ERFE: variants seen among roughly 807,000 people sequenced by gnomAD.
ERFE encodes erythroferrone.
A neutral mutation model predicts 26.6 loss-of-function variants in ERFE; 25 were observed. The observed-to-expected ratio is 0.94, with a 90% CI of 0.69 to 1.31. ERFE has a LOEUF of 1.31. ERFE is among the 40% of genes most tolerant of loss of function. ERFE has a pLI of 0.00. For synonymous variants in ERFE, 206 were observed against 204.5 expected, an observed-to-expected ratio of 1.01 and a Z score of -0.06; for missense variants, 447 against 440.2, an observed-to-expected ratio of 1.02 and a Z score of -0.14.
In ERFE at chr2:238,163,951, C is replaced by G; in HGVS notation, c.639C>G (p.Asp213Glu). ...CTTTCCTCTGCCGCCTGCGCCGGGA[C>G]GCGTTGGTGGAGCGGCGCGCGCTGC... ...EAAFLCRLRR[D>E]ALVERRALHE... Residue 213 changes from aspartate (D) to glutamate (E), a missense_variant, in exon 4 of 8, where the codon GAC (aspartate) becomes GAG (glutamate). Physicochemically the swap from Asp to Glu is conservative, Grantham distance 45 (BLOSUM62 2). Transcript: ENST00000546354. The G allele has an allele frequency of 7.3e-7, 1 of 1,377,248 alleles. No individual in the cohort carries two copies. Among genetic ancestry groups the G allele is most frequent in the Non-Finnish European group, 9.3e-7 (1 of 1,072,052 alleles). The allele number at this position is 1,377,248 out of a possible 1,614,324, so 85.3% of individuals were successfully genotyped here.
chr2:238,165,982 G>A (rs1693029277), intron 7 of ERFE, among the ~76,000 whole-genome samples: 1 of 152,222 alleles, frequency 6.6e-6, no homozygotes, highest in Non-Finnish European at 1.5e-5. Flanking sequence ...ACCTCATCCT[G>A]AGGCCCAGTA....
In ERFE at chr2:238,165,645, G is replaced by C; in HGVS notation, c.927G>C (p.Glu309Asp). 6.5e-7 allele frequency: 1 copy of C among 1,549,622 alleles called. No individual in the cohort carries two copies. The highest frequency in any genetic ancestry group is 8.7e-7 in the Non-Finnish European group (1 of 1,146,194). Residue 309 changes from glutamate (E) to aspartate (D), a missense_variant, in exon 7 of 8, where the codon GAG becomes GAC. By Grantham distance (45) the Glu-to-Asp change is conservative. Coordinates refer to ENST00000546354, the MANE Select transcript of ERFE (RefSeq NM_001291832.2). ...EAIMGLESSS[E>D]LFTISVNGVL... ...TCATGGGCCTGGAGAGCAGCAGTGA[G>C]CTCTTCACCATCTCTGTGAATGGCG...
intron 1 of ERFE, among the ~76,000 whole-genome samples, chr2:238,160,957 C>T (rs982087960): frequency 2.6e-5 from 4 of 152,194 alleles, no homozygotes; most frequent in South Asian, 2.1e-4. Flanking sequence ...TGGGAACTTC[C>T]GGAAGCATCA....
chr2:238,168,553 C>T lies in ERFE; in HGVS notation c.*1499C>T, dbSNP rs945017023. 3 of 434,268 alleles carry T rather than the reference C, an allele frequency of 6.9e-6. No individual in the cohort carries two copies. Among genetic ancestry groups the T allele is most frequent in the African/African-American group, 4.1e-5 (2 of 48,690 alleles). 26.9% of individuals were successfully genotyped at this position (434,268 alleles called of 1,614,324 possible). On this transcript the variant is annotated 3_prime_UTR_variant, in exon 8 of 8. Transcript: ENST00000546354. ...CAGGAGCCCAGCTTCCAAACCCCAA[C>T]ATCGAATCAAACATCTCCATCCCCA...
At chr2:238,165,532 C>A in intron 6 of ERFE, 74 bp from the exon 7 acceptor site, 2 of 1,287,380 alleles carry the variant, frequency 1.6e-6, no homozygotes, top group Non-Finnish European at 1.1e-6. Context: ...TGGCTGCTGG[C>A]AGGATTGTGT....
At chr2:238,165,708 C>G (rs370188729) in intron 7 of ERFE, 24 bp downstream of exon 7, 1 of 1,541,832 alleles carries the variant, frequency 6.5e-7, no homozygotes, top group Non-Finnish European at 8.8e-7. Flanking sequence ...GCTTGGGCAT[C>G]GAGGGGCACC....
At chr2:238,163,713 CG>C in intron 3 of ERFE, 23 bp from the exon 4 acceptor site, 1 of 1,278,270 alleles carries the variant, frequency 7.8e-7, no homozygotes, top group Middle Eastern at 3.0e-4. Flanking sequence ...CCCTGGCGCG[CG>C]GCCACCGCTC....
Position 238,163,867 on chromosome 2 carries a change from G to A in ERFE, c.555G>A (p.Val185=). 5 of 1,317,142 alleles carry A rather than the reference G, an allele frequency of 3.8e-6. No homozygotes were observed. Among genetic ancestry groups the A allele is most frequent in the Non-Finnish European group, 4.8e-6 (5 of 1,041,256 alleles). The allele number at this position is 1,317,142 out of a possible 1,614,324, so 81.6% of individuals were successfully genotyped here. The change falls in exon 4 of 8, where the codon GTG becomes GTA. Residue 185 remains valine, a synonymous_variant. Transcript: ENST00000546354. The part of the protein sequence containing the change: ...GEDDDDVVGD[V]LALLAAPLAP... ...ACGACGACGACGTGGTGGGGGACGT[G>A]CTGGCACTGCTGGCCGCGCCCCTGG...
chr2:238,162,976 G>A (rs1692963258), intron 3 of ERFE, 138 bp downstream of exon 3: 1 of 662,270 alleles, frequency 1.5e-6, no homozygotes, highest in Non-Finnish European at 2.6e-6. Flanking sequence ...TGGACTCAAG[G>A]ACAGTAGAGC....
At position 238,162,933 on chromosome 2, in the gene ERFE, C is replaced by T. The variant is rs376148139; in HGVS notation, c.424+95C>T. On this transcript the variant is annotated intron_variant, in intron 3 of 7. Transcript: ENST00000546354. ...GCTGACAGGGCCAACCTCAACACTT[C>T]GGCGGGCACCCAAGGAGGCACCTGC... is the stretch of plus-strand genomic sequence containing the variant. The T allele has an allele frequency of 1.3e-4, 124 of 960,758 alleles. No individual in the cohort carries two copies. The African/African-American group carries it at 1.5e-3, about 11-fold the overall frequency. The allele number at this position is 960,758 out of a possible 1,614,324, so 59.5% of individuals were successfully genotyped here.
chr2:238,163,814 GC>G lies in ERFE; in HGVS notation c.506del (p.Pro169ArgfsTer74). 7.5e-7 allele frequency: 1 copy of G among 1,335,570 alleles called. No individual in the cohort carries two copies. The highest frequency in any genetic ancestry group is 9.5e-7 in the Non-Finnish European group (1 of 1,049,574). The allele number at this position is 1,335,570 out of a possible 1,614,324, so 82.7% of individuals were successfully genotyped here. On this transcript the variant is annotated frameshift_variant, in exon 4 of 8. Coordinates refer to ENST00000546354, the MANE Select transcript of ERFE (RefSeq NM_001291832.2). LOFTEE classifies it high-confidence loss of function. ...CGCCGGGCCGGTCGCTGCGAGCCTCGCCCCGGTCTCGGCCACCGCCGGGGAG... is the reference window on the plus strand; with the variant it reads ...CGCCGGGCCGGTCGCTGCGAGCCTCGCCCGGTCTCGGCCACCGCCGGGGAG... ...GPAGPVAASL[A>X]PVSATAGEDD...
At chr2:238,160,255 C>T (rs1692918167) in intron 1 of ERFE, among the ~76,000 whole-genome samples, 1 of 152,238 alleles carries the variant, frequency 6.6e-6, no homozygotes, top group South Asian at 2.1e-4. Context: ...GGAACCAGGG[C>T]AGCTGCCCAA....
chr2:238,164,861 AC>A (rs1297454502), intron 6 of ERFE: 3 of 158,066 alleles, frequency 1.9e-5, no homozygotes, highest in Non-Finnish European at 4.1e-5. Context: ...AAAAAAACAA[AC>A]AACAACAACA....
Position 238,161,612 on chromosome 2 carries a change from G to A in ERFE, c.217G>A (p.Ala73Thr). 1.3e-6 allele frequency: 2 copies of A among 1,542,588 alleles called. No individual in the cohort carries two copies. Among genetic ancestry groups the A allele is most frequent in the East Asian group, 4.9e-5 (2 of 40,610 alleles). ...GTTCCAGGAGCCCACCGCTGAGCGT[G>A]CACACAGCGTCGACCCCCGGGACGC... ...ARPPEPTAER[A>T]HSVDPRDAWM... The change falls in exon 2 of 8, where the codon GCA becomes ACA. Residue 73 changes from alanine to threonine, a missense_variant. Physicochemically the swap from Ala to Thr is moderately conservative, Grantham distance 58. Coordinates refer to ENST00000546354, the MANE Select transcript of ERFE (RefSeq NM_001291832.2).
In ERFE at chr2:238,164,286, G is replaced by T; in HGVS notation, c.813G>T (p.Pro271=). 1 of 1,509,800 alleles carries T rather than the reference G, an allele frequency of 6.6e-7. No homozygotes were observed. 93.5% of individuals were successfully genotyped at this position (1,509,800 alleles called of 1,614,324 possible). A position where few individuals can be genotyped will look rare whatever the true frequency, so the allele number is the denominator to read the frequency against. Residue 271 remains proline, a synonymous_variant, in exon 6 of 8, where the codon CCG becomes CCT. Transcript: ENST00000546354. The part of the protein sequence containing the change: ...ATLHVALGEP[P]RRGPPRPRDH... ...CCCCCGCAGCGCTCGGGGAGCCGCCGAGGAGGGGGCCGCCGCGCCCCCGGG... is the reference window on the plus strand; with the variant it reads ...CCCCCGCAGCGCTCGGGGAGCCGCCTAGGAGGGGGCCGCCGCGCCCCCGGG...
rs1249052271 is a variant in ERFE, at chr2:238,167,484, C to G, written c.*430C>G. Reference sequence around the variant, plus strand: ...CCAGGGCCCCTACCTGGGAGAGGGTCAGCTGACGCAGGGCTGAGGGGGCTG... The same window carrying G: ...CCAGGGCCCCTACCTGGGAGAGGGTGAGCTGACGCAGGGCTGAGGGGGCTG... On this transcript the variant is annotated 3_prime_UTR_variant, in exon 8 of 8. Transcript: ENST00000546354. The G allele has an allele frequency of 2.1e-6, 1 of 467,478 alleles. No homozygotes were observed. Among genetic ancestry groups the G allele is most frequent in the Non-Finnish European group, 4.3e-6 (1 of 234,456 alleles). The allele number at this position is 467,478 out of a possible 1,614,324, so 29.0% of individuals were successfully genotyped here.
intron 1 of ERFE, among the ~76,000 whole-genome samples, chr2:238,161,387 GT>G (rs1257391248): frequency 6.6e-6 from 1 of 152,198 alleles, no homozygotes; most frequent in Non-Finnish European, 1.5e-5. Flanking sequence ...GGTGTGGCCC[GT>G]TCCCTAGGAG....
chr2:238,167,221 C>CGTAG lies in ERFE; in HGVS notation c.*168_*169insTAGG, dbSNP rs1313256040. The CGTAG allele has an allele frequency of 1.0e-5, 8 of 764,318 alleles. No individual in the cohort carries two copies. Among genetic ancestry groups the CGTAG allele is most frequent in the African/African-American group, 8.6e-5 (5 of 58,326 alleles). The allele number at this position is 764,318 out of a possible 1,614,324, so 47.3% of individuals were successfully genotyped here. On this transcript the variant is annotated 3_prime_UTR_variant, in exon 8 of 8. Transcript: ENST00000546354. Reference sequence around the variant, plus strand: ...CACAGAGCCACTGCAGGCAGGCCTACGGACGTGACACGCACGCTGGTGGTC... The same window carrying CGTAG: ...CACAGAGCCACTGCAGGCAGGCCTACGTAGGGACGTGACACGCACGCTGGTGGTC...
chr2:238,162,674 A>C, intron 2 of ERFE, 62 bp from the exon 3 acceptor site: 1 of 1,074,810 alleles, frequency 9.3e-7, no homozygotes, highest in South Asian at 1.3e-5. Flanking sequence ...GAGCTTGCAC[A>C]GGGGATGCTG....
Sources: gnomAD v4.1 joint callset for allele counts (sites outside exome capture counted in the v4.1 genomes callset) on GRCh38, gnomAD v4.1.1 for gene constraint, MANE v1.5 for transcripts, NCBI Gene and HGNC (gene_info 2026-07-23, HGNC 2026-07-21) for gene names.